The following SPTBN5 variants were observed in gnomAD, a reference collection of about 807,000 sequenced individuals.
SPTBN5 encodes spectrin beta chain, non-erythrocytic 5.
In SPTBN5, 513 loss-of-function variants were observed where a neutral mutation model predicts 477.6. The ratio of observed to expected loss-of-function variants is 1.07; its 90% CI spans 1.00 to 1.16. The LOEUF (loss-of-function observed/expected upper bound fraction) is 1.16. SPTBN5 is among the 50% of genes most tolerant of loss of function. The pLI is 0.00. For synonymous variants in SPTBN5, 2,169 were observed against 2,011.7 expected (o/e 1.08, Z -2.09); for missense variants, 5,062 against 4,731.8 (o/e 1.07, Z -2.05).
chr15:41,880,019 A>G, intron 14 of SPTBN5, 141 bp downstream of exon 14: 4 of 1,396,626 alleles, frequency 2.9e-6, no homozygotes, highest in Non-Finnish European at 2.9e-6. Flanking sequence ...AAGGGCCAGG[A>G]GGCCCTCGAA....
chr15:41,886,200 C>T lies in SPTBN5; in HGVS notation c.1055G>A (p.Arg352His), dbSNP rs773619402. The T allele has an allele frequency of 4.5e-5, 73 of 1,612,864 alleles. No homozygotes were observed. The highest frequency in any genetic ancestry group is 4.5e-4 in the Admixed American group (27 of 59,996). ...TAGCCGGGGTGGCTTCTCCTGGGTGCGGAAGATGGTGAATGCTGCCAGTAG... is the reference window on the plus strand; with the variant it reads ...TAGCCGGGGTGGCTTCTCCTGGGTGTGGAAGATGGTGAATGCTGCCAGTAG... ...RQLLAAFTIF[R>H]TQEKPPRLQQ... The change falls in exon 7 of 68, where the codon CGC (arginine) becomes CAC (histidine). Residue 352 changes from arginine to histidine, a missense_variant. By Grantham distance (29) the Arg-to-His change is conservative. Transcript: ENST00000320955.
chr15:41,864,093 G>T (rs1188908161), intron 39 of SPTBN5, 69 bp from the exon 40 acceptor site: 3 of 1,359,844 alleles, frequency 2.2e-6, no homozygotes, highest in Non-Finnish European at 3.1e-6. Flanking sequence ...ACCTCAGCAG[G>T]CACTGAAAGC....
In SPTBN5 at chr15:41,882,626, G is replaced by A. The variant is rs369145141; in HGVS notation, c.2005C>T (p.Arg669Trp). ...GCGCCTGCGATCTGGCTGAGATCCCGGCCCAGGGCCGCATTCCCCACCCGC... is the reference window on the plus strand; with the variant it reads ...GCGCCTGCGATCTGGCTGAGATCCCAGCCCAGGGCCGCATTCCCCACCCGC... ...GQRVGNAALG[R>W]DLSQIAGALQ... Residue 669 changes from arginine to tryptophan, a missense_variant, in exon 10 of 68, where the codon CGG becomes TGG. By Grantham distance (101) the Arg-to-Trp change is moderately radical. Coordinates refer to ENST00000320955, the MANE Select transcript of SPTBN5 (RefSeq NM_016642.4). 14 of 1,606,754 alleles carry A rather than the reference G, an allele frequency of 8.7e-6. 1 individual carries two copies. Among genetic ancestry groups the A allele is most frequent in the East Asian group, 4.5e-5 (2 of 44,650 alleles).
rs866868815 is a variant in SPTBN5, at chr15:41,887,259, C to T, written c.842G>A (p.Cys281Tyr). The T allele has an allele frequency of 2.6e-6, 4 of 1,551,274 alleles. No homozygotes were observed. The Middle Eastern group carries it at 5.0e-4, about 193-fold the overall frequency. Residue 281 changes from cysteine to tyrosine, a missense_variant, in exon 6 of 68, where the codon TGC (cysteine) becomes TAC (tyrosine). Cys to Tyr is a radical substitution (Grantham distance 194). Transcript: ENST00000320955. ...MTYVSLYYHY[C>Y]SRLHQGQTVQ... The stretch of plus-strand genomic sequence containing the variant: ...AGTCTGCCCCTGATGCAGGCGGGAG[C>T]AGTAGTGGTAGTAGAGGGAGACGTA...
At chr15:41,851,425 G>A (rs2065758022) in intron 63 of SPTBN5, 56 bp from the exon 64 acceptor site, 5 of 1,330,808 alleles carry the variant, frequency 3.8e-6, no homozygotes, top group Non-Finnish European at 5.3e-6. Context: ...CCAGAGCTAG[G>A]GCCTGTCCAC....
intron 19 of SPTBN5, 54 bp from the exon 20 acceptor site, chr15:41,876,701 C>T: frequency 3.1e-6 from 5 of 1,589,244 alleles, no homozygotes; most frequent in Non-Finnish European, 4.3e-6. Context: ...CCCACCCCAG[C>T]ACGAGGTGCA....
chr15:41,860,602 G>T lies in SPTBN5; in HGVS notation c.7972C>A (p.Gln2658Lys). 1 of 1,469,448 alleles carries T rather than the reference G, an allele frequency of 6.8e-7. No homozygotes were observed. Among genetic ancestry groups the T allele is most frequent in the Non-Finnish European group, 9.0e-7 (1 of 1,105,434 alleles). The allele number at this position is 1,469,448 out of a possible 1,614,324, so 91.0% of individuals were successfully genotyped here. The stretch of plus-strand genomic sequence containing the variant: ...CACCACTACCTCAGAAGCATGGCCT[G>T]GCACCTGCCCAGGGCACTCTGGGCC... ...PEAQSALGRC[Q>K]AMLLRKEALF... Residue 2658 changes from glutamine (Q) to lysine (K), a missense_variant, in exon 47 of 68, where the codon CAG becomes AAG. Transcript: ENST00000320955.
At position 41,893,813 on chromosome 15, in the gene SPTBN5, GA is replaced by G. The variant is rs542375690; in HGVS notation, c.-50+85del. 1,253 of 465,392 alleles carry G rather than the reference GA, an allele frequency of 2.7e-3. 5 individuals are homozygous for G. The highest frequency in any genetic ancestry group is 4.1e-3 in the Non-Finnish European group (1,057 of 257,536). The allele number at this position is 465,392 out of a possible 1,614,324, so 28.8% of individuals were successfully genotyped here. On this transcript the variant is annotated intron_variant, in intron 1 of 67. Coordinates refer to ENST00000320955, the MANE Select transcript of SPTBN5 (RefSeq NM_016642.4). ...ACTGGGACAGGTGGAAGGAAGACAG[GA>G]AACTGCTTACCTTGGTGATGCCTGG...
At chr15:41,861,553 G>A in intron 45 of SPTBN5, 57 bp from the exon 46 acceptor site, 2 of 1,577,426 alleles carry the variant, frequency 1.3e-6, no homozygotes, top group South Asian at 1.1e-5. Context: ...CACTGCAGTT[G>A]GAGTGACTGT....
At chr15:41,852,021 G>A in intron 62 of SPTBN5, 161 bp downstream of exon 62, 2 of 965,626 alleles carry the variant, frequency 2.1e-6, no homozygotes, top group Non-Finnish European at 1.5e-6. Flanking sequence ...GGGTGGTATG[G>A]CTGTAGACAG....
At chr15:41,851,005 G>T in intron 65 of SPTBN5, 54 bp downstream of exon 65, 2 of 1,591,782 alleles carry the variant, frequency 1.3e-6, no homozygotes, top group Non-Finnish European at 1.7e-6. Flanking sequence ...TCCAGCCCCC[G>T]CTGAGCCAGG....
chr15:41,852,827 A>G lies in SPTBN5; in HGVS notation c.10344T>C (p.Tyr3448=). The change falls in exon 60 of 68, where the codon TAT becomes TAC. Residue 3448 remains tyrosine, a synonymous_variant. Transcript: ENST00000320955. ...AAGGGGCAGGACCCCCACTCACCCC[A>G]TAGTCGGGCTTCAGCAGGAGTCCCT... ...CWEGLLLKPD[Y]GHSVSDVELL... 6.2e-7 allele frequency: 1 copy of G among 1,606,646 alleles called. No homozygotes were observed. The highest frequency in any genetic ancestry group is 8.5e-7 in the Non-Finnish European group (1 of 1,176,000).
chr15:41,867,472 AC>A lies in SPTBN5; in HGVS notation c.6312+65del, dbSNP rs1175740066. ...CCAGGAACACACCAAGCGCCCCGTG[AC>A]CCCCTTCAGGACTCTCTCCCAACCA... On this transcript the variant is annotated intron_variant, in intron 35 of 67. Coordinates refer to ENST00000320955, the MANE Select transcript of SPTBN5 (RefSeq NM_016642.4). The A allele has an allele frequency of 4.1e-6, 6 of 1,465,292 alleles. 1 individual carries two copies. Among genetic ancestry groups the A allele is most frequent in the Non-Finnish European group, 5.7e-6 (6 of 1,047,454 alleles). The allele number at this position is 1,465,292 out of a possible 1,614,324, so 90.8% of individuals were successfully genotyped here. A position where few individuals can be genotyped will look rare whatever the true frequency, so the allele number is the denominator to read the frequency against.
intron 67 of SPTBN5, among the ~76,000 whole-genome samples, chr15:41,848,912 G>A (rs560136151): frequency 3.3e-5 from 5 of 152,320 alleles, no homozygotes; most frequent in South Asian, 2.1e-4. Flanking sequence ...TGTCCTGGTA[G>A]CCTCAGGAGC....
At chr15:41,853,920 C>T (rs980744778) in intron 57 of SPTBN5, 130 bp downstream of exon 57, 108 of 1,436,390 alleles carry the variant, frequency 7.5e-5, no homozygotes, top group Non-Finnish European at 9.7e-5. Flanking sequence ...CCTAGGGCCC[C>T]TCGGGGAAGG....
At chr15:41,877,696 A>C (rs1334268831) in intron 17 of SPTBN5, among the ~76,000 whole-genome samples, 1 of 152,176 alleles carries the variant, frequency 6.6e-6, no homozygotes, top group East Asian at 1.9e-4. Flanking sequence ...TGCTCCTTTC[A>C]GCAGGTGGCT....
At chr15:41,860,796 T>C in intron 46 of SPTBN5, 38 bp from the exon 47 acceptor site, 4 of 1,441,468 alleles carry the variant, frequency 2.8e-6, no homozygotes, top group Admixed American at 2.7e-5. Context: ...TCCATGAGCC[T>C]CCCCCTCCCA....
chr15:41,862,748 T>A, intron 42 of SPTBN5, 42 bp downstream of exon 42: 1 of 1,547,004 alleles, frequency 6.5e-7, no homozygotes, highest in African/African-American at 1.4e-5. Flanking sequence ...AGGGTCCTAC[T>A]CAGGAGATGC....
chr15:41,879,564 G>T, intron 15 of SPTBN5, 65 bp from the exon 16 acceptor site: 2 of 1,517,870 alleles, frequency 1.3e-6, no homozygotes. Context: ...GGGAGCCTTG[G>T]CCAGAGCCTC....
Sources: gnomAD v4.1 joint callset for allele counts (sites outside exome capture counted in the v4.1 genomes callset) on GRCh38, gnomAD v4.1.1 for gene constraint, MANE v1.5 for transcripts, NCBI Gene and HGNC (gene_info 2026-07-23, HGNC 2026-07-21) for gene names.